The following IQGAP1 variants were observed in gnomAD, a reference collection of about 807,000 sequenced individuals.
The protein encoded by IQGAP1 is ras GTPase-activating-like protein IQGAP1.
A neutral mutation model predicts 215.6 loss-of-function variants in IQGAP1; 66 were observed. That is an observed-to-expected ratio of 0.31 (90% confidence interval 0.25 to 0.38). The LOEUF (loss-of-function observed/expected upper bound fraction) is 0.38, where lower values mean the gene tolerates loss of function less well. IQGAP1 is among the 10% of genes least tolerant of loss of function. IQGAP1 has a pLI of 1.00. For missense variants in IQGAP1, 1,712 were observed against 1,997.1 expected, an observed-to-expected ratio of 0.86 and a Z score of 2.72; for synonymous variants, 772 against 728.7, an observed-to-expected ratio of 1.06 and a Z score of -0.96.
rs1465040349 is a variant in IQGAP1 at position 90,500,140 on chromosome 15, A to C, written c.*32A>C. On this transcript the variant is annotated 3_prime_UTR_variant, in exon 38 of 38. Transcript: ENST00000268182. ...GTTTGCTGCCAGCCCAGAAGGATGA[A>C]GGAAAGAAGCACCTCACAGCTCCTT... The C allele has an allele frequency of 3.1e-6, 4 of 1,281,578 alleles. No homozygotes were observed. In the African/African-American group the frequency reaches 5.8e-5, roughly 19 times the overall value. The allele number at this position is 1,281,578 out of a possible 1,614,324, so 79.4% of individuals were successfully genotyped here.
chr15:90,450,477 A>G (rs1389818422), intron 11 of IQGAP1, among the ~76,000 whole-genome samples: 1 of 151,728 alleles, frequency 6.6e-6, no homozygotes, highest in Non-Finnish European at 1.5e-5. Context: ...ATACCTAGCA[A>G]TGGGATTGCT....
rs145616432 is a variant in IQGAP1 at position 90,422,489 on chromosome 15, C to T, written c.156-3621C>T. Among the ~76,000 whole-genome samples the T allele has an allele frequency of 5.3e-5, 8 of 151,500 alleles. No homozygotes were observed. In the East Asian group the frequency reaches 1.4e-3, roughly 26 times the overall value. ...AAACATTTAGAAATGACATAAATGT[C>T]TAAGATAGGTGACTTATTAAGGACT... is the stretch of plus-strand genomic sequence containing the variant. On this transcript the variant is annotated intron_variant, in intron 2 of 37. Coordinates refer to ENST00000268182, the MANE Select transcript of IQGAP1 (RefSeq NM_003870.4).
intron 13 of IQGAP1, 123 bp from the exon 14 acceptor site, chr15:90,454,305 T>C: frequency 1.9e-6 from 2 of 1,028,828 alleles, no homozygotes; most frequent in African/African-American, 3.2e-5. Flanking sequence ...TTAAAGTAAC[T>C]GTGCAGTTCC....
At chr15:90,493,274 A>C (rs1329977338) in intron 35 of IQGAP1, among the ~76,000 whole-genome samples, 1 of 152,128 alleles carries the variant, frequency 6.6e-6, no homozygotes. Context: ...TTAGAAATTA[A>C]AATCATGAAA....
chr15:90,456,918 G>T (rs1965690431), intron 15 of IQGAP1, among the ~76,000 whole-genome samples: 1 of 141,504 alleles, frequency 7.1e-6, no homozygotes, highest in African/African-American at 2.7e-5. Flanking sequence ...ATATGTGTGT[G>T]TGTGTGTATA....
chr15:90,462,019 C>T (rs1048750950), intron 15 of IQGAP1, among the ~76,000 whole-genome samples: 10 of 143,868 alleles, frequency 7.0e-5, no homozygotes, highest in South Asian at 2.2e-4. Context: ...AAAATTAGCC[C>T]GGCATGGTGG....
At chr15:90,395,314 TTTTTTTG>T (rs2056780009) in intron 2 of IQGAP1, among the ~76,000 whole-genome samples, 1 of 151,402 alleles carries the variant, frequency 6.6e-6, no homozygotes, top group Non-Finnish European at 1.5e-5. Flanking sequence ...GGAGCGGGGT[TTTTTTTG>T]TTTTTTTGTT....
chr15:90,482,400 T>C (rs899014448), intron 28 of IQGAP1, 119 bp downstream of exon 28: 16 of 889,306 alleles, frequency 1.8e-5, no homozygotes, highest in Non-Finnish European at 2.7e-5. Flanking sequence ...TTACCATTGA[T>C]TGTGAGCTTT....
Position 90,474,611 on chromosome 15 carries a change from G to C in IQGAP1, c.2702G>C (p.Arg901Pro), listed in dbSNP as rs537204733. 6.2e-7 allele frequency: 1 copy of C among 1,613,906 alleles called. No individual in the cohort carries two copies. Among genetic ancestry groups the C allele is most frequent in the African/African-American group, 1.3e-5 (1 of 75,028 alleles). The change falls in exon 23 of 38, where the codon CGT becomes CCT. Residue 901 changes from arginine to proline, a missense_variant. By Grantham distance (103) the Arg-to-Pro change is moderately radical. Around this residue, in one of 2 missense-constraint regions of IQGAP1, gnomAD observed 691 missense variants for 923.0 expected, o/e 0.75. Transcript: ENST00000268182. ...CGGGAAGAGGTTATCACCCTCATTC[G>C]TTCTAACCAGCAGCTGGAGAATGAC... is the stretch of plus-strand genomic sequence containing the variant. ...KMREEVITLI[R>P]SNQQLENDLN... is the part of the protein sequence containing the mutation.
At chr15:90,434,763 C>G (rs1965348061) in intron 5 of IQGAP1, among the ~76,000 whole-genome samples, 1 of 152,090 alleles carries the variant, frequency 6.6e-6, no homozygotes, top group South Asian at 2.1e-4. Flanking sequence ...ATGCAGAATG[C>G]TCCAATTATA....
At chr15:90,460,092 A>G (rs1346073337) in intron 15 of IQGAP1, among the ~76,000 whole-genome samples, 1 of 151,610 alleles carries the variant, frequency 6.6e-6, no homozygotes, top group Non-Finnish European at 1.5e-5. Context: ...ACCCCAAGAG[A>G]TGGTTCTTGG....
chr15:90,489,844 G>A (rs998557919), intron 33 of IQGAP1, among the ~76,000 whole-genome samples: 1 of 152,206 alleles, frequency 6.6e-6, no homozygotes, highest in Non-Finnish European at 1.5e-5. Context: ...GTATGTGTTT[G>A]GTGCTCTCAC....
At chr15:90,439,470 A>G (rs1414977158) in intron 6 of IQGAP1, 71 bp downstream of exon 6, 16 of 1,252,922 alleles carry the variant, frequency 1.3e-5, no homozygotes, top group Non-Finnish European at 1.7e-5. Flanking sequence ...AGCAGTACCA[A>G]TTTTGAAGAC....
chr15:90,411,556 C>CT lies in IQGAP1; in HGVS notation c.156-14550dup, dbSNP rs112094600. Among the ~76,000 whole-genome samples, 618 of 152,234 alleles carry CT rather than the reference C, an allele frequency of 4.1e-3. 2 individuals are homozygous for CT. In the Middle Eastern group the frequency reaches 0.041, roughly 10 times the overall value. On this transcript the variant is annotated intron_variant, in intron 2 of 37. Coordinates refer to ENST00000268182, the MANE Select transcript of IQGAP1 (RefSeq NM_003870.4). ...CATATATGGCTCTAGCAGAGGATTG[C>CT]TTTTACAGAGAAATAGGTGCCTGTC...
chr15:90,472,987 A>G lies in IQGAP1; in HGVS notation c.2326A>G (p.Ile776Val), dbSNP rs1965926959. 6.2e-7 allele frequency: 1 copy of G among 1,614,102 alleles called. No individual in the cohort carries two copies. The highest frequency in any genetic ancestry group is 8.5e-7 in the Non-Finnish European group (1 of 1,179,992). The stretch of plus-strand genomic sequence containing the variant: ...CAGGATGAATTTCCTGAAGAAACAA[A>G]TCCCTGCCATCACCTGCATTCAGGT... ...RSRMNFLKKQ[I>V]PAITCIQSQW... Residue 776 changes from isoleucine (I) to valine (V), a missense_variant, in exon 19 of 38, where the codon ATC becomes GTC. By Grantham distance (29) the Ile-to-Val change is conservative. Transcript: ENST00000268182.
intron 30 of IQGAP1, among the ~76,000 whole-genome samples, chr15:90,484,929 G>A (rs1365651562): frequency 5.9e-5 from 9 of 152,142 alleles, no homozygotes; most frequent in Non-Finnish European, 1.2e-4. Flanking sequence ...ACCGCCCCAG[G>A]CCTACTGAAT....
intron 34 of IQGAP1, among the ~76,000 whole-genome samples, chr15:90,491,927 C>G (rs1407244207): frequency 6.6e-6 from 1 of 152,204 alleles, no homozygotes; most frequent in Non-Finnish European, 1.5e-5. Flanking sequence ...TTTAGGTGTT[C>G]TGTGCTGTTG....
In IQGAP1 at chr15:90,500,952, A is replaced by G. The variant is rs574843978; in HGVS notation, c.*844A>G. The stretch of plus-strand genomic sequence containing the variant: ...TGGGTTAGCCCTAATGTAGAATGTC[A>G]TTGTTTTTAAAACTGTTTTATATCT... On this transcript the variant is annotated 3_prime_UTR_variant, in exon 38 of 38. Coordinates refer to ENST00000268182, the MANE Select transcript of IQGAP1 (RefSeq NM_003870.4). 1 of 152,778 alleles carries G rather than the reference A, an allele frequency of 6.5e-6. No individual in the cohort carries two copies. The highest frequency in any genetic ancestry group is 2.4e-5 in the African/African-American group (1 of 41,582). 9.5% of individuals were successfully genotyped at this position (152,778 alleles called of 1,614,324 possible).
At chr15:90,482,668 T>A in intron 28 of IQGAP1, 1 of 888,906 alleles carries the variant, frequency 1.1e-6, no homozygotes, top group Non-Finnish European at 1.4e-6. Context: ...TCTTTTTTTT[T>A]TTAATCTGAA....
Sources: allele counts gnomAD v4.1 joint callset (sites outside exome capture counted in the v4.1 genomes callset), GRCh38; gene constraint gnomAD v4.1.1; regional missense constraint gnomAD v4.1.1; transcripts MANE v1.5; gene names NCBI Gene and HGNC (gene_info 2026-07-23, HGNC 2026-07-21).